REEP5: variants seen among roughly 807,000 people sequenced by gnomAD.
REEP5 encodes receptor accessory protein 5.
Under a neutral mutation model 22.4 loss-of-function variants are expected in REEP5, and 24 were observed. That is an observed-to-expected ratio of 1.07 (90% CI 0.78 to 1.51). REEP5 has a LOEUF of 1.51. Ranked by LOEUF, REEP5 falls within the 40% of genes most tolerant of loss-of-function variation. The pLI, the probability that REEP5 is intolerant of heterozygous loss-of-function variation, is 0.00. For synonymous variants in REEP5, 103 were observed against 88.6 expected (o/e 1.16, Z -0.92); for missense variants, 252 against 233.0 (o/e 1.08, Z -0.53).
chr5:112,893,061 G>A, intron 3 of REEP5: 1 of 1,106,066 alleles, frequency 9.0e-7, no homozygotes, highest in South Asian at 1.3e-5. Flanking sequence ...GAACTGTTCA[G>A]AGTCCCCAAT....
At chr5:112,905,561 A>C (rs934120333) in intron 2 of REEP5, among the ~76,000 whole-genome samples, 2 of 151,438 alleles carry the variant, frequency 1.3e-5, no homozygotes, top group Admixed American at 6.6e-5. Flanking sequence ...CAAAACAAAA[A>C]AAAAACAAAC....
chr5:112,892,035 G>T, intron 3 of REEP5: 1 of 1,433,826 alleles, frequency 7.0e-7, no homozygotes, highest in Non-Finnish European at 9.8e-7. Flanking sequence ...AGAAACAACA[G>T]GAGAAGAAAG....
chr5:112,902,645 T>C, intron 2 of REEP5, 127 bp from the exon 3 acceptor site: 1 of 754,974 alleles, frequency 1.3e-6, no homozygotes, highest in African/African-American at 1.8e-5. Flanking sequence ...ACTGTGTCAC[T>C]AGATGCAAGA....
chr5:112,894,709 T>C (rs1213214762), intron 3 of REEP5: 1 of 152,238 alleles, frequency 6.6e-6, no homozygotes, highest in African/African-American at 2.4e-5. Flanking sequence ...ATATTTGTTA[T>C]ATATAGGTAT....
At chr5:112,905,893 G>A (rs1768947211) in intron 2 of REEP5, among the ~76,000 whole-genome samples, 1 of 152,084 alleles carries the variant, frequency 6.6e-6, no homozygotes, top group South Asian at 2.1e-4. Context: ...AAAATACTAG[G>A]ATTACAGGCA....
intron 2 of REEP5, among the ~76,000 whole-genome samples, chr5:112,907,502 C>T (rs1455817401): frequency 1.3e-5 from 2 of 152,166 alleles, no homozygotes; most frequent in East Asian, 3.8e-4. Flanking sequence ...TCAAGAGAAG[C>T]CAGGGCTGGG....
intron 4 of REEP5, chr5:112,882,125 T>A (rs1768097229): frequency 6.5e-6 from 1 of 153,806 alleles, no homozygotes; most frequent in African/African-American, 2.4e-5. Flanking sequence ...ACATATGTGA[T>A]GATCTTCTAA....
intron 2 of REEP5, among the ~76,000 whole-genome samples, chr5:112,907,078 A>C (rs1021557921): frequency 3.3e-5 from 5 of 152,226 alleles, no homozygotes; most frequent in Admixed American, 6.5e-5. Flanking sequence ...CACTGAAATA[A>C]AACTGTTCAC....
chr5:112,891,494 T>C, intron 3 of REEP5: 1 of 1,080,738 alleles, frequency 9.3e-7, no homozygotes, highest in Non-Finnish European at 1.3e-6. Context: ...AAGTAATTTG[T>C]AATATATATA....
At chr5:112,881,972 A>G (rs1768090899) in intron 4 of REEP5, 1 of 149,780 alleles carries the variant, frequency 6.7e-6, no homozygotes, top group Admixed American at 6.7e-5. Context: ...GGGTTTCACC[A>G]TGTTACTCAG....
intron 4 of REEP5, among the ~76,000 whole-genome samples, chr5:112,884,518 C>T (rs1768172424): frequency 6.6e-6 from 1 of 151,968 alleles, no homozygotes; most frequent in Non-Finnish European, 1.5e-5. Flanking sequence ...GCTGGCACCA[C>T]AGGCTTGCAT....
At chr5:112,886,476 T>G (rs1291612423) in intron 4 of REEP5, among the ~76,000 whole-genome samples, 1 of 152,208 alleles carries the variant, frequency 6.6e-6, no homozygotes, top group African/African-American at 2.4e-5. Flanking sequence ...GTCTCTAGTT[T>G]TAGGTCCTTT....
chr5:112,891,490 T>C, intron 3 of REEP5: 3 of 1,052,468 alleles, frequency 2.9e-6, no homozygotes, highest in Non-Finnish European at 4.0e-6. Flanking sequence ...ATGAAAGTAA[T>C]TTGTAATATA....
At chr5:112,920,412 A>C (rs1185931292) in intron 2 of REEP5, among the ~76,000 whole-genome samples, 1 of 152,226 alleles carries the variant, frequency 6.6e-6, no homozygotes, top group Non-Finnish European at 1.5e-5. Context: ...AGAACTGTAG[A>C]GCAAAACAAA....
chr5:112,917,436 A>AGCG (rs1769256452), intron 2 of REEP5, among the ~76,000 whole-genome samples: 1 of 152,064 alleles, frequency 6.6e-6, no homozygotes, highest in African/African-American at 2.4e-5. Flanking sequence ...GTGGCAGCCC[A>AGCG]AGTCTTAAGG....
rs776882416 is a variant in REEP5 at position 112,902,522 on chromosome 5, AAAGGCAGT to A, written c.213-12_213-5del. On this transcript the variant is annotated splice_polypyrimidine_tract_variant and splice_region_variant and intron_variant, in intron 2 of 4. Transcript: ENST00000379638. ...GGGACTCTCTATAGCTTTAATTCTG[AAAGGCAGT>A]ACAAAAGAAAGTATATCATTTGGTA... 6.3e-7 allele frequency: 1 copy of A among 1,578,526 alleles called. No individual in the cohort carries two copies. Among genetic ancestry groups the A allele is most frequent in the Non-Finnish European group, 8.6e-7 (1 of 1,167,960 alleles).
rs561948546 is a variant in REEP5, at chr5:112,917,500, C to A, written c.212+3663G>T. ...ATAGACATTTTTATAGAATTTTAAG[C>A]AAAAAAGTTACTGGGTAGGACAGAA... On this transcript the variant is annotated intron_variant, in intron 2 of 4. Coordinates refer to ENST00000379638, the MANE Select transcript of REEP5 (RefSeq NM_005669.5). Among the ~76,000 whole-genome samples the A allele has an allele frequency of 1.8e-3, 269 of 152,174 alleles. 1 individual carries two copies. The highest frequency in any genetic ancestry group is 2.9e-3 in the Non-Finnish European group (199 of 67,982).
rs1038686785 is a variant in REEP5, at chr5:112,877,284, A to G, written c.*1502T>C. ...ATGATCTTACCTGATTGTTATCTCAAGGTGAGCTAATCATCTTTATTTGCC... is the reference window on the plus strand; with the variant it reads ...ATGATCTTACCTGATTGTTATCTCAGGGTGAGCTAATCATCTTTATTTGCC... On this transcript the variant is annotated 3_prime_UTR_variant, in exon 5 of 5. Transcript: ENST00000379638. 1 of 152,162 alleles carries G rather than the reference A, an allele frequency of 6.6e-6. No individual in the cohort carries two copies. Among genetic ancestry groups the G allele is most frequent in the African/African-American group, 2.4e-5 (1 of 41,434 alleles). The allele number at this position is 152,162 out of a possible 1,614,324, so 9.4% of individuals were successfully genotyped here.
At chr5:112,892,129 C>T in intron 3 of REEP5, 3 of 1,614,146 alleles carry the variant, frequency 1.9e-6, no homozygotes, top group South Asian at 2.2e-5. Context: ...CCCAGAACCA[C>T]CCGTGGATTT....
Sources: gnomAD v4.1 joint callset for allele counts (sites outside exome capture counted in the v4.1 genomes callset) on GRCh38, gnomAD v4.1.1 for gene constraint, MANE v1.5 for transcripts, NCBI Gene and HGNC (gene_info 2026-07-23, HGNC 2026-07-21) for gene names.